The following PALM2AKAP2 variants were observed in gnomAD, a reference collection of about 807,000 sequenced individuals.
PALM2AKAP2 encodes PALM2 and AKAP2 fusion.
A neutral mutation model predicts 71.5 loss-of-function variants in PALM2AKAP2; 37 were observed. The ratio of observed to expected loss-of-function variants is 0.52; its 90% confidence interval spans 0.40 to 0.68. The LOEUF (loss-of-function observed/expected upper bound fraction) is 0.68, where lower values mean the gene tolerates loss of function less well. PALM2AKAP2 is among the 30% of genes least tolerant of loss of function. The pLI is 0.00. For synonymous variants in PALM2AKAP2, 468 were observed against 478.8 expected, an observed-to-expected ratio of 0.98 and a Z score of 0.29; for missense variants, 1,224 against 1,191.8, an observed-to-expected ratio of 1.03 and a Z score of -0.40.
At chr9:110,166,603 C>T (rs145749331) in intron 3 of PALM2AKAP2, among the ~76,000 whole-genome samples, 139 of 152,302 alleles carry the variant, frequency 9.1e-4, no homozygotes, top group Non-Finnish European at 1.7e-3. Context: ...AGTGAGTGAC[C>T]GTGATATGCT....
At chr9:109,755,278 C>T (rs969009957) in intron 1 of PALM2AKAP2, among the ~76,000 whole-genome samples, 2 of 152,118 alleles carry the variant, frequency 1.3e-5, no homozygotes, top group Non-Finnish European at 2.9e-5. Flanking sequence ...ACCAACAAGG[C>T]TCTTTATAAC....
intron 1 of PALM2AKAP2, among the ~76,000 whole-genome samples, chr9:109,758,672 T>C (rs181296916): frequency 2.6e-4 from 39 of 152,170 alleles, no homozygotes; most frequent in African/African-American, 8.9e-4. Flanking sequence ...TTTATTTCTA[T>C]AAGTGACCTA....
intron 6 of PALM2AKAP2, among the ~76,000 whole-genome samples, chr9:109,950,609 C>T (rs1831614368): frequency 6.6e-6 from 1 of 152,168 alleles, no homozygotes; most frequent in Non-Finnish European, 1.5e-5. Context: ...CAGGATGAGG[C>T]CTTTTTCTAC....
intron 7 of PALM2AKAP2, among the ~76,000 whole-genome samples, chr9:110,035,220 A>T (rs1037462571): frequency 1.4e-5 from 2 of 142,482 alleles, no homozygotes; most frequent in Non-Finnish European, 3.0e-5. Context: ...TATATATATA[A>T]AAAATATATA....
At chr9:109,714,235 T>C (rs900529857) in intron 1 of PALM2AKAP2, among the ~76,000 whole-genome samples, 2 of 152,186 alleles carry the variant, frequency 1.3e-5, no homozygotes, top group African/African-American at 2.4e-5. Flanking sequence ...TTAGAGAATA[T>C]TGTGCTCCTA....
At chr9:109,809,633 G>T (rs1827674938) in intron 1 of PALM2AKAP2, among the ~76,000 whole-genome samples, 1 of 152,194 alleles carries the variant, frequency 6.6e-6, no homozygotes, top group African/African-American at 2.4e-5. Context: ...TTAAGACTTT[G>T]GGGGACTATT....
At chr9:109,747,209 GA>G (rs1452462033) in intron 1 of PALM2AKAP2, among the ~76,000 whole-genome samples, 1 of 152,146 alleles carries the variant, frequency 6.6e-6, no homozygotes, top group Non-Finnish European at 1.5e-5. Flanking sequence ...CCAGCAGATG[GA>G]TTCACTAGGC....
At chr9:110,077,303 A>G (rs1461191786) in intron 1 of PALM2AKAP2, among the ~76,000 whole-genome samples, 2 of 152,210 alleles carry the variant, frequency 1.3e-5, no homozygotes, top group East Asian at 1.9e-4. Context: ...AGCCTTTAGC[A>G]TGTTACTTGG....
At chr9:109,829,434 C>G (rs766496512) in intron 1 of PALM2AKAP2, among the ~76,000 whole-genome samples, 6 of 152,122 alleles carry the variant, frequency 3.9e-5, no homozygotes, top group Admixed American at 1.3e-4. Flanking sequence ...TTCCCCAGCA[C>G]CCTGGAGCAA....
chr9:110,010,719 G>T (rs1381570555), intron 6 of PALM2AKAP2, among the ~76,000 whole-genome samples: 2 of 147,780 alleles, frequency 1.4e-5, no homozygotes, highest in Non-Finnish European at 3.0e-5. Context: ...ATACTTTTGG[G>T]CTGGGTACGG....
chr9:109,783,747 T>C (rs1275413206), intron 1 of PALM2AKAP2, among the ~76,000 whole-genome samples: 3 of 152,200 alleles, frequency 2.0e-5, no homozygotes, highest in African/African-American at 7.2e-5. Flanking sequence ...ACAGATTGCC[T>C]CCTCTGGGAA....
At chr9:109,933,017 G>A (rs954449658) in intron 6 of PALM2AKAP2, among the ~76,000 whole-genome samples, 2 of 152,204 alleles carry the variant, frequency 1.3e-5, no homozygotes, top group Admixed American at 6.5e-5. Flanking sequence ...AGGCAAGTAA[G>A]AATTAACATA....
At chr9:109,996,158 ACT>A (rs1832571458) in intron 6 of PALM2AKAP2, among the ~76,000 whole-genome samples, 1 of 152,128 alleles carries the variant, frequency 6.6e-6, no homozygotes, top group South Asian at 2.1e-4. Flanking sequence ...CAAGACAGTG[ACT>A]CTGGGTTTTG....
At chr9:109,715,750 C>T (rs934920262) in intron 1 of PALM2AKAP2, among the ~76,000 whole-genome samples, 1 of 152,246 alleles carries the variant, frequency 6.6e-6, no homozygotes, top group African/African-American at 2.4e-5. Flanking sequence ...CTTAAACACT[C>T]ATTGTAGCCC....
At chr9:110,115,316 G>A (rs185754962) in intron 1 of PALM2AKAP2, among the ~76,000 whole-genome samples, 8 of 152,336 alleles carry the variant, frequency 5.3e-5, no homozygotes, top group Non-Finnish European at 8.8e-5. Context: ...GGGTCAGGTC[G>A]TCAGTGTCAA....
At chr9:109,909,732 T>C (rs1830527465) in intron 3 of PALM2AKAP2, among the ~76,000 whole-genome samples, 1 of 152,096 alleles carries the variant, frequency 6.6e-6, no homozygotes, top group South Asian at 2.1e-4. Context: ...CATAAAGAGA[T>C]GATACCTGAG....
At chr9:110,011,014 A>AAAAAAATATATAT (rs35212981) in intron 6 of PALM2AKAP2, among the ~76,000 whole-genome samples, 5 of 69,588 alleles carry the variant, frequency 7.2e-5, no homozygotes, top group African/African-American at 3.9e-4. Context: ...AAAAAAAAAA[A>AAAAAAATATATAT]ATATATATAT....
intron 6 of PALM2AKAP2, among the ~76,000 whole-genome samples, chr9:109,938,354 C>G (rs1035826063): frequency 1.3e-5 from 2 of 152,112 alleles, no homozygotes; most frequent in Non-Finnish European, 2.9e-5. Context: ...AAGTGTTCGC[C>G]TTTGTTCTCT....
At chr9:109,877,318 T>C (rs930150684) in intron 2 of PALM2AKAP2, among the ~76,000 whole-genome samples, 1 of 152,058 alleles carries the variant, frequency 6.6e-6, no homozygotes, top group African/African-American at 2.4e-5. Flanking sequence ...TTATAGGGAA[T>C]TGGGCTACAA....
Sources: allele counts gnomAD v4.1 joint callset (sites outside exome capture counted in the v4.1 genomes callset), GRCh38; gene constraint gnomAD v4.1.1; transcripts MANE v1.5; gene names NCBI Gene and HGNC (gene_info 2026-07-23, HGNC 2026-07-21).